Variants in NIP7 observed in about 807,000 individuals in gnomAD.
NIP7 encodes nucleolar pre-rRNA processing protein NIP7, also known as 60S ribosome subunit biogenesis protein NIP7 homolog.
In NIP7, 12 loss-of-function variants were observed where a neutral mutation model predicts 20.1. The observed-to-expected ratio is 0.60, with a 90% CI of 0.38 to 0.97. The LOEUF (loss-of-function observed/expected upper bound fraction) is 0.97, where lower values mean the gene tolerates loss of function less well. Ranked by LOEUF, NIP7 falls within the 50% of genes least tolerant of loss-of-function variation. NIP7 has a pLI of 0.00. For synonymous variants in NIP7, 103 were observed against 87.2 expected (o/e 1.18, Z -1.01); for missense variants, 226 against 226.6 (o/e 1.00, Z 0.02).
At chr16:69,341,344 C>T in intron 4 of NIP7, 24 bp downstream of exon 4, 1 of 1,611,782 alleles carries the variant, frequency 6.2e-7, no homozygotes, top group Non-Finnish European at 8.5e-7. Context: ...GTAGCTGTTA[C>T]AGAACTCAAG....
rs8053850 is a variant in NIP7, at chr16:69,341,755, G to A, written c.*103G>A. 451,138 of 1,405,308 alleles carry A rather than the reference G, an allele frequency of 0.32. 74,970 individuals carry two copies. The highest frequency in any genetic ancestry group is 0.5 in the African/African-American group (35,175 of 70,390). The allele number at this position is 1,405,308 out of a possible 1,614,324, so 87.1% of individuals were successfully genotyped here. On this transcript the variant is annotated 3_prime_UTR_variant, in exon 5 of 5. Transcript: ENST00000254940. ...CATGTTGAATTTTGTCAACACTCTG[G>A]CCTCTTCAGGGACTTCTTATTTACT...
rs1239465099 is a variant in NIP7 at position 69,339,873 on chromosome 16, A to G, written c.44A>G (p.Lys15Arg). The G allele has an allele frequency of 6.2e-7, 1 of 1,614,052 alleles. No homozygotes were observed. The highest frequency in any genetic ancestry group is 1.3e-5 in the African/African-American group (1 of 75,026). ...TEEETRVMFE[K>R]IAKYIGENLQ... ...GAGGAGACCCGTGTCATGTTTGAGA[A>G]GATAGCGAAATAGTAGGAGCGCGCG... is the stretch of plus-strand genomic sequence containing the variant. Residue 15 changes from lysine to arginine, a missense_variant, in exon 1 of 5, where the codon AAG becomes AGG. Physicochemically the swap from Lys to Arg is conservative, Grantham distance 26. Transcript: ENST00000254940.
intron 4 of NIP7, 105 bp downstream of exon 4, chr16:69,341,425 T>G: frequency 6.4e-7 from 1 of 1,572,530 alleles, no homozygotes; most frequent in Non-Finnish European, 8.7e-7. Flanking sequence ...ACGTTTTGAA[T>G]CCCAGAAAGA....
At chr16:69,341,018 C>G in intron 3 of NIP7, 162 bp from the exon 4 acceptor site, 1 of 652,178 alleles carries the variant, frequency 1.5e-6, no homozygotes, top group African/African-American at 1.8e-5. Flanking sequence ...GGGCAACTTC[C>G]TGCATTTCTG....
At position 69,339,792 on chromosome 16, in the gene NIP7, A is replaced by G; in HGVS notation, c.-38A>G. ...CGACCGACTTCCGTTTCCAGTTACC[A>G]AGGCACGAGGATCCGGTGTTCCAAC... On this transcript the variant is annotated 5_prime_UTR_variant, in exon 1 of 5. Transcript: ENST00000254940. 5.0e-6 allele frequency: 8 copies of G among 1,610,602 alleles called. No individual in the cohort carries two copies. Among genetic ancestry groups the G allele is most frequent in the Non-Finnish European group, 6.8e-6 (8 of 1,178,550 alleles).
At chr16:69,341,400 G>A in intron 4 of NIP7, 80 bp downstream of exon 4, 2 of 1,570,756 alleles carry the variant, frequency 1.3e-6, no homozygotes, top group Non-Finnish European at 1.7e-6. Flanking sequence ...GTGCTTGAGA[G>A]AATAAATTCT....
intron 4 of NIP7, 72 bp from the exon 5 acceptor site, chr16:69,341,461 G>C (rs768664197): frequency 6.3e-7 from 1 of 1,587,670 alleles, no homozygotes. Context: ...TTCCGTCTTT[G>C]TTATTTCCAG....
Position 69,341,516 on chromosome 16 carries a change from C to T in NIP7, c.424-17C>T, listed in dbSNP as rs200779986. ...GAATGACTTCAGTGAGTTAGTGTCT[C>T]TTCTTTTGAATCCCAGGGTTTTGGG... On this transcript the variant is annotated splice_polypyrimidine_tract_variant and intron_variant, in intron 4 of 4. Transcript: ENST00000254940. 70 of 1,613,304 alleles carry T rather than the reference C, an allele frequency of 4.3e-5. No individual in the cohort carries two copies. Among genetic ancestry groups the T allele is most frequent in the Non-Finnish European group, 5.7e-5 (67 of 1,179,752 alleles).
intron 1 of NIP7, 34 bp downstream of exon 1, chr16:69,339,919 G>A: frequency 6.2e-7 from 1 of 1,613,546 alleles, no homozygotes; most frequent in Non-Finnish European, 8.5e-7. Context: ...GGGAGTGTGT[G>A]GGTGTGGTGG....
Position 69,339,948 on chromosome 16 carries a change from C to T in NIP7, c.57-58C>T, listed in dbSNP as rs28372928. Reference sequence around the variant, plus strand: ...GTGGTGGCCAAGGGTGGAGTGGGGGCGCGGTGCCGGAGACCGGTTCGTTCG... The same window carrying T: ...GTGGTGGCCAAGGGTGGAGTGGGGGTGCGGTGCCGGAGACCGGTTCGTTCG... On this transcript the variant is annotated intron_variant, in intron 1 of 4. Coordinates refer to ENST00000254940, the MANE Select transcript of NIP7 (RefSeq NM_016101.5). 0.061 allele frequency: 98,449 copies of T among 1,612,266 alleles called. 3,308 individuals carry two copies. The highest frequency in any genetic ancestry group is 0.077 in the South Asian group (7,004 of 91,054).
At chr16:69,340,117 A>C in intron 2 of NIP7, 25 bp downstream of exon 2, 1 of 1,613,384 alleles carries the variant, frequency 6.2e-7, no homozygotes, top group South Asian at 1.1e-5. Flanking sequence ...GGCAGGCAGC[A>C]TGGACCCAGG....
rs2012542198 is a variant in NIP7 at position 69,341,317 on chromosome 16, T to C, written c.420T>C (p.Pro140=). The C allele has an allele frequency of 6.2e-7, 1 of 1,613,730 alleles. No individual in the cohort carries two copies. The highest frequency in any genetic ancestry group is 1.3e-5 in the African/African-American group (1 of 74,902). Residue 140 remains proline (P), a synonymous_variant, in exon 4 of 5, where the codon CCT becomes CCC. Coordinates refer to ENST00000254940, the MANE Select transcript of NIP7 (RefSeq NM_016101.5). ...GVVVYSMADI[P]LGFGVAAKST... is the part of the protein sequence containing the mutation. ...TGGTGTACTCCATGGCAGACATCCC[T>C]TTGGTGAGTAGAGATGGTAGCTGTT...
intron 3 of NIP7, 167 bp downstream of exon 3, chr16:69,340,499 T>C (rs894975077): frequency 1.2e-6 from 1 of 835,204 alleles, no homozygotes; most frequent in Non-Finnish European, 1.8e-6. Flanking sequence ...GGCTATGGGA[T>C]AGGAATGCTA....
At chr16:69,340,654 T>C in intron 3 of NIP7, 2 of 351,848 alleles carry the variant, frequency 5.7e-6, no homozygotes, top group East Asian at 1.0e-4. Context: ...AGGATGATCC[T>C]TGTAGAGTTG....
intron 3 of NIP7, 169 bp from the exon 4 acceptor site, chr16:69,341,011 C>T: frequency 1.6e-6 from 1 of 621,766 alleles, no homozygotes; most frequent in Non-Finnish European, 2.7e-6. Context: ...CTGCACCGGG[C>T]AACTTCCTGC....
chr16:69,339,786 G>A lies in NIP7; in HGVS notation c.-44G>A. On this transcript the variant is annotated 5_prime_UTR_variant, in exon 1 of 5. Transcript: ENST00000254940. ...AGCGAGCGACCGACTTCCGTTTCCA[G>A]TTACCAAGGCACGAGGATCCGGTGT... is the stretch of plus-strand genomic sequence containing the variant. The A allele has an allele frequency of 6.2e-7, 1 of 1,609,382 alleles. No homozygotes were observed. Among genetic ancestry groups the A allele is most frequent in the Non-Finnish European group, 8.5e-7 (1 of 1,177,452 alleles).
At chr16:69,341,458 T>G in intron 4 of NIP7, 75 bp from the exon 5 acceptor site, 1 of 1,589,316 alleles carries the variant, frequency 6.3e-7, no homozygotes, top group South Asian at 1.1e-5. Context: ...TTTTTCCGTC[T>G]TTGTTATTTC....
chr16:69,340,297 G>A lies in NIP7; in HGVS notation c.247G>A (p.Val83Ile), dbSNP rs147713403. 65 of 1,613,914 alleles carry A rather than the reference G, an allele frequency of 4.0e-5. No homozygotes were observed. The African/African-American group carries it at 8.0e-4, about 20-fold the overall frequency. The change falls in exon 3 of 5, where the codon GTC (valine) becomes ATC (isoleucine). Residue 83 changes from valine to isoleucine, a missense_variant. Val to Ile is a conservative substitution (Grantham distance 29, BLOSUM62 3). Coordinates refer to ENST00000254940, the MANE Select transcript of NIP7 (RefSeq NM_016101.5). ...TAAAACCCACAAGTTTCGGTTGCAC[G>A]TCACAGCTCTGGATTACCTTGCACC... ...FTKTHKFRLHVTALDYLAPYA... is the reference protein window; with the variant it reads ...FTKTHKFRLHITALDYLAPYA...
At chr16:69,340,161 A>T (rs1205163735) in intron 2 of NIP7, 33 bp from the exon 3 acceptor site, 1 of 1,613,404 alleles carries the variant, frequency 6.2e-7, no homozygotes, top group Non-Finnish European at 8.5e-7. Context: ...AGCCTCCTTC[A>T]TCCGCAACCT....
Sources: gnomAD v4.1 joint callset for allele counts on GRCh38, gnomAD v4.1.1 for gene constraint, MANE v1.5 for transcripts, NCBI Gene and HGNC (gene_info 2026-07-23, HGNC 2026-07-21) for gene names.